MAGI1: variants seen among roughly 807,000 people sequenced by gnomAD.
MAGI1 encodes membrane associated guanylate kinase, WW and PDZ domain containing 1.
A neutral mutation model predicts 139.9 loss-of-function variants in MAGI1; 58 were observed. The observed-to-expected ratio is 0.41, with a 90% CI of 0.34 to 0.52. MAGI1 has a LOEUF of 0.52. Ranked by LOEUF, MAGI1 falls within the 20% of genes least tolerant of loss-of-function variation. The pLI is 0.12. For missense variants in MAGI1, 1,874 were observed against 1,901.6 expected (o/e 0.99, Z 0.27); for synonymous variants, 812 against 737.9 (o/e 1.10, Z -1.63).
At chr3:65,597,823 C>A in intron 2 of MAGI1, 1 of 456,570 alleles carries the variant, frequency 2.2e-6, no homozygotes, top group South Asian at 1.5e-5. Context: ...GCCTGCAAAC[C>A]CCAGCCCAAT....
At chr3:65,681,950 C>T (rs959016413) in intron 1 of MAGI1, among the ~76,000 whole-genome samples, 1 of 152,110 alleles carries the variant, frequency 6.6e-6, no homozygotes, top group African/African-American at 2.4e-5. Context: ...ATCCTCCCAC[C>T]TCAGCCTCCT....
chr3:65,657,426 T>C (rs1432139382), intron 1 of MAGI1, among the ~76,000 whole-genome samples: 9 of 122,154 alleles, frequency 7.4e-5, no homozygotes, highest in Non-Finnish European at 1.2e-4. Context: ...GAGACCCCCA[T>C]CTCTATCAAA....
chr3:65,626,819 T>G (rs1445912461), intron 1 of MAGI1, among the ~76,000 whole-genome samples: 1 of 152,214 alleles, frequency 6.6e-6, no homozygotes, highest in African/African-American at 2.4e-5. Flanking sequence ...GTCTCAACCT[T>G]CACATTCTAT....
At chr3:65,700,764 T>C (rs888310963) in intron 1 of MAGI1, among the ~76,000 whole-genome samples, 1 of 152,196 alleles carries the variant, frequency 6.6e-6, no homozygotes, top group African/African-American at 2.4e-5. Context: ...TGTGAATCTC[T>C]AACAGCCTCA....
chr3:65,915,345 TA>T, intron 1 of MAGI1, among the ~76,000 whole-genome samples: 1 of 152,230 alleles, frequency 6.6e-6, no homozygotes, highest in Non-Finnish European at 1.5e-5. Context: ...AACGGGATGC[TA>T]ACACATCGCT....
At chr3:65,941,642 A>C (rs1447595060) in intron 1 of MAGI1, among the ~76,000 whole-genome samples, 1 of 151,836 alleles carries the variant, frequency 6.6e-6, no homozygotes, top group Non-Finnish European at 1.5e-5. Context: ...TGCTATTTGA[A>C]CACCACTGAA....
intron 1 of MAGI1, among the ~76,000 whole-genome samples, chr3:65,683,191 CT>C (rs752115366): frequency 6.6e-6 from 1 of 152,104 alleles, no homozygotes; most frequent in Non-Finnish European, 1.5e-5. Flanking sequence ...ATGGGGACCC[CT>C]GGTATACAAT....
intron 2 of MAGI1, 144 bp downstream of exon 2, chr3:65,621,828 G>T: frequency 1.6e-6 from 1 of 609,260 alleles, no homozygotes; most frequent in South Asian, 2.0e-5. Context: ...ATTGAATTAT[G>T]ATTTGCTTGA....
chr3:65,795,881 T>C (rs2040102831), intron 1 of MAGI1, among the ~76,000 whole-genome samples: 1 of 151,542 alleles, frequency 6.6e-6, no homozygotes, highest in Admixed American at 6.6e-5. Flanking sequence ...TGAAACCCCG[T>C]CTCTACTAAA....
At chr3:65,726,061 A>G (rs1485452415) in intron 1 of MAGI1, among the ~76,000 whole-genome samples, 1 of 152,206 alleles carries the variant, frequency 6.6e-6, no homozygotes, top group Non-Finnish European at 1.5e-5. Flanking sequence ...TTGGCAGAGT[A>G]TAGTAAAGAA....
At chr3:65,416,323 C>T (rs1296342889) in intron 12 of MAGI1, among the ~76,000 whole-genome samples, 4 of 152,144 alleles carry the variant, frequency 2.6e-5, no homozygotes, top group African/African-American at 9.7e-5. Flanking sequence ...ATAGCTGGTC[C>T]ATGTTGCAGC....
chr3:65,382,901 C>T (rs1418829682), intron 15 of MAGI1, among the ~76,000 whole-genome samples: 1 of 152,126 alleles, frequency 6.6e-6, no homozygotes, highest in African/African-American at 2.4e-5. Context: ...ACATAGTAAG[C>T]GCTCGATGAA....
intron 1 of MAGI1, chr3:65,687,690 G>A: frequency 1.9e-6 from 1 of 515,640 alleles, no homozygotes; most frequent in Non-Finnish European, 3.9e-6. Flanking sequence ...TTCTGCCAAG[G>A]CTGGAAGCTG....
rs2069075802 is a variant in MAGI1 at position 66,038,822 on chromosome 3, C to T, written c.-514G>A. The T allele has an allele frequency of 6.5e-6, 1 of 153,942 alleles. No homozygotes were observed. Among genetic ancestry groups the T allele is most frequent in the African/African-American group, 2.4e-5 (1 of 41,500 alleles). The allele number at this position is 153,942 out of a possible 1,614,324, so 9.5% of individuals were successfully genotyped here. On this transcript the variant is annotated 5_prime_UTR_variant, in exon 1 of 23. Transcript: ENST00000402939. ...GGGCGGGAGGTAAGTGCTCGCGGCC[C>T]CTTTAAGCAGATACAAAGGCTCGGC...
chr3:65,551,300 T>TTTTTTA (rs1559662637), intron 2 of MAGI1, among the ~76,000 whole-genome samples: 1 of 151,802 alleles, frequency 6.6e-6, no homozygotes, highest in Non-Finnish European at 1.5e-5. Context: ...ACCACTTTCC[T>TTTTTTA]TTTTTATTTT....
At chr3:65,940,141 A>C (rs563568869) in intron 1 of MAGI1, among the ~76,000 whole-genome samples, 30 of 152,246 alleles carry the variant, frequency 2.0e-4, no homozygotes, top group Admixed American at 1.3e-3. Context: ...CACTAGAATA[A>C]CACCCAGGGG....
intron 1 of MAGI1, among the ~76,000 whole-genome samples, chr3:65,749,687 A>G (rs574299404): frequency 2.0e-5 from 3 of 150,184 alleles, no homozygotes; most frequent in African/African-American, 7.4e-5. Flanking sequence ...AAATAAATAT[A>G]TAAAACCAGG....
chr3:65,476,197 T>C (rs1950877401), intron 4 of MAGI1, among the ~76,000 whole-genome samples: 1 of 152,118 alleles, frequency 6.6e-6, no homozygotes, highest in African/African-American at 2.4e-5. Context: ...GTATGACAGA[T>C]TGTCAGCTGT....
At chr3:65,586,449 T>G (rs534561740) in intron 2 of MAGI1, among the ~76,000 whole-genome samples, 1 of 152,288 alleles carries the variant, frequency 6.6e-6, no homozygotes, top group South Asian at 2.1e-4. Flanking sequence ...GTATTATTAT[T>G]CTATAGTTTG....
Sources: allele counts gnomAD v4.1 joint callset (sites outside exome capture counted in the v4.1 genomes callset), GRCh38; gene constraint gnomAD v4.1.1; transcripts MANE v1.5; gene names NCBI Gene and HGNC (gene_info 2026-07-23, HGNC 2026-07-21).